WDR47: variants seen among roughly 807,000 people sequenced by gnomAD.
WDR47 encodes the protein WD repeat domain 47.
In WDR47, 32 loss-of-function variants were observed where a neutral mutation model predicts 97.2. The observed-to-expected ratio is 0.33, with a 90% confidence interval of 0.25 to 0.44. The LOEUF is 0.44. Ranked by LOEUF, WDR47 falls within the 20% of genes least tolerant of loss-of-function variation. WDR47 has a pLI of 1.00. For synonymous variants in WDR47, 375 were observed against 373.5 expected, an observed-to-expected ratio of 1.00 and a Z score of -0.05; for missense variants, 782 against 1,102.3, an observed-to-expected ratio of 0.71 and a Z score of 4.11.
At chr1:109,023,798 A>G (rs957100789) in intron 1 of WDR47, among the ~76,000 whole-genome samples, 3 of 152,120 alleles carry the variant, frequency 2.0e-5, no homozygotes, top group African/African-American at 7.2e-5. Flanking sequence ...ATAGAAGAGA[A>G]GAGTGGGAAG....
At chr1:109,010,826 C>T (rs534427837) in intron 5 of WDR47, 90 bp downstream of exon 5, 29 of 1,269,526 alleles carry the variant, frequency 2.3e-5, no homozygotes, top group East Asian at 2.1e-4. Flanking sequence ...TTGTGATCCA[C>T]CCACCTCGGC....
At chr1:108,999,055 G>A (rs1659966301) in intron 7 of WDR47, among the ~76,000 whole-genome samples, 1 of 151,890 alleles carries the variant, frequency 6.6e-6, no homozygotes, top group Admixed American at 6.6e-5. Context: ...GTGAAAGCCT[G>A]TCTCTACTAA....
At chr1:109,024,286 T>C (rs1411041247) in intron 1 of WDR47, among the ~76,000 whole-genome samples, 2 of 151,916 alleles carry the variant, frequency 1.3e-5, no homozygotes, top group Admixed American at 6.6e-5. Context: ...ACCACATCTG[T>C]ACAAAAAAAA....
chr1:109,011,574 T>A lies in WDR47; in HGVS notation c.472A>T (p.Ser158Cys). The A allele has an allele frequency of 6.2e-7, 1 of 1,614,192 alleles. No homozygotes were observed. The highest frequency in any genetic ancestry group is 8.5e-7 in the Non-Finnish European group (1 of 1,180,034). Residue 158 changes from serine to cysteine, a missense_variant, in exon 5 of 15, where the codon AGC (serine) becomes TGC (cysteine). Ser to Cys is a moderately radical substitution (Grantham distance 112). Around this residue, in one of 3 missense-constraint regions of WDR47, gnomAD observed 428 missense variants for 584.3 expected, o/e 0.73. Coordinates refer to ENST00000369962, the MANE Select transcript of WDR47 (RefSeq NM_001142551.2). ...TCAAAACAGTGAACTCGTGCGGTGCTGGGATTCCAGTCCTTAAACTCGGCA... is the reference window on the plus strand; with the variant it reads ...TCAAAACAGTGAACTCGTGCGGTGCAGGGATTCCAGTCCTTAAACTCGGCA... ...NHAEFKDWNP[S>C]TARVHCFEEA...
chr1:109,010,954 A>G lies in WDR47; in HGVS notation c.1092T>C (p.Asn364=). ...QNLSRSLMLE[N]TECHSIYEES... is the part of the protein sequence containing the mutation. ...CTTCGTAAATACTGTGACATTCTGT[A>G]TTCTCAAGCATGAGACTTCTACTGA... is the stretch of plus-strand genomic sequence containing the variant. Residue 364 remains asparagine, a synonymous_variant, in exon 5 of 15, where the codon AAT becomes AAC. Coordinates refer to ENST00000369962, the MANE Select transcript of WDR47 (RefSeq NM_001142551.2). 1 of 1,613,966 alleles carries G rather than the reference A, an allele frequency of 6.2e-7. No homozygotes were observed. Among genetic ancestry groups the G allele is most frequent in the Non-Finnish European group, 8.5e-7 (1 of 1,179,916 alleles).
chr1:109,005,498 G>A (rs1219332424), intron 5 of WDR47, among the ~76,000 whole-genome samples: 3 of 152,150 alleles, frequency 2.0e-5, no homozygotes, highest in African/African-American at 4.8e-5. Context: ...ACCACAAAAA[G>A]GGTTTTAAAA....
chr1:108,974,585 G>A lies in WDR47; in HGVS notation c.2568C>T (p.Tyr856=). 1 of 1,614,198 alleles carries A rather than the reference G, an allele frequency of 6.2e-7. No individual in the cohort carries two copies. ...RSVRFSPGAH[Y]LLTGSYDMKI... ...TCATATCATAAGAGCCTGTTAGCAA[G>A]TAGTGAGCTCCAGGGGAGAATCGAA... The change falls in exon 14 of 15, where the codon TAC becomes TAT. Residue 856 remains tyrosine (Y), a synonymous_variant. Transcript: ENST00000369962.
At chr1:109,003,986 C>A (rs373529873) in intron 6 of WDR47, among the ~76,000 whole-genome samples, 1 of 151,926 alleles carries the variant, frequency 6.6e-6, no homozygotes, top group African/African-American at 2.4e-5. Context: ...ACTAGCCGGC[C>A]GGGCGCGGTG....
rs1353097462 is a variant in WDR47 at position 108,995,629 on chromosome 1, A to T, written c.1642T>A (p.Ser548Thr). ...IHTSTPRNPGSTNHIPFLEES... is the reference protein window; with the variant it reads ...IHTSTPRNPGTTNHIPFLEES... The stretch of plus-strand genomic sequence containing the variant: ...TCCAGAAAAGGTATGTGATTTGTTG[A>T]TCCAGGATTACGAGGAGTGCTTGTA... The change falls in exon 8 of 15, where the codon TCA becomes ACA. Residue 548 changes from serine (S) to threonine (T), a missense_variant. Transcript: ENST00000369962. 1.9e-6 allele frequency: 3 copies of T among 1,614,016 alleles called. No individual in the cohort carries two copies. The highest frequency in any genetic ancestry group is 2.5e-6 in the Non-Finnish European group (3 of 1,180,006).
At chr1:109,040,019 G>C (rs1279851512) in intron 1 of WDR47, among the ~76,000 whole-genome samples, 3 of 134,218 alleles carry the variant, frequency 2.2e-5, no homozygotes, top group Admixed American at 1.6e-4. Context: ...CTGGATGACA[G>C]AGTGAGACTC....
intron 8 of WDR47, among the ~76,000 whole-genome samples, chr1:108,995,379 A>T (rs1659668842): frequency 6.6e-6 from 1 of 152,222 alleles, no homozygotes; most frequent in Non-Finnish European, 1.5e-5. Flanking sequence ...GCAAAAAGAA[A>T]AATAGAAGGA....
intron 1 of WDR47, among the ~76,000 whole-genome samples, chr1:109,036,965 T>C (rs1239509776): frequency 1.3e-5 from 2 of 152,222 alleles, no homozygotes; most frequent in Admixed American, 1.3e-4. Flanking sequence ...AATTTCTTTA[T>C]ATCATCATCT....
intron 1 of WDR47, among the ~76,000 whole-genome samples, chr1:109,039,441 A>G (rs1292988421): frequency 6.6e-6 from 1 of 152,062 alleles, no homozygotes; most frequent in Non-Finnish European, 1.5e-5. Context: ...TATTTTTGAT[A>G]AAGACAGGGT....
chr1:108,983,571 T>C, intron 10 of WDR47, 120 bp from the exon 11 acceptor site: 1 of 803,732 alleles, frequency 1.2e-6, no homozygotes, highest in Non-Finnish European at 1.7e-6. Context: ...AACAGCTTAT[T>C]AATAGTTTTC....
At chr1:108,987,750 G>A (rs764366366) in intron 9 of WDR47, among the ~76,000 whole-genome samples, 4 of 152,126 alleles carry the variant, frequency 2.6e-5, no homozygotes, top group Non-Finnish European at 5.9e-5. Context: ...TTACAGGCAT[G>A]AGCCACCGCA....
At chr1:109,023,305 T>G (rs777264775) in intron 2 of WDR47, 50 bp downstream of exon 2, 1 of 1,573,412 alleles carries the variant, frequency 6.4e-7, no homozygotes, top group South Asian at 1.2e-5. Flanking sequence ...TATTAATACT[T>G]AACATTTCTT....
At chr1:108,994,919 T>C (rs1659638847) in intron 8 of WDR47, among the ~76,000 whole-genome samples, 1 of 152,160 alleles carries the variant, frequency 6.6e-6, no homozygotes, top group South Asian at 2.1e-4. Context: ...TGAATTCCTA[T>C]AAGCATCCAA....
At chr1:109,004,736 A>G (rs1660465072) in intron 5 of WDR47, 21 bp from the exon 6 acceptor site, 1 of 1,569,960 alleles carries the variant, frequency 6.4e-7, no homozygotes, top group Non-Finnish European at 8.6e-7. Flanking sequence ...AAACGTGCAA[A>G]AAAACAAAAA....
chr1:109,026,845 GT>G (rs1252903487), intron 1 of WDR47, among the ~76,000 whole-genome samples: 1 of 152,050 alleles, frequency 6.6e-6, no homozygotes, highest in Non-Finnish European at 1.5e-5. Context: ...CAAGTTTAAT[GT>G]TGCAGTCATT....
Sources: allele counts gnomAD v4.1 joint callset (sites outside exome capture counted in the v4.1 genomes callset), GRCh38; gene constraint gnomAD v4.1.1; regional missense constraint gnomAD v4.1.1; transcripts MANE v1.5; gene names NCBI Gene and HGNC (gene_info 2026-07-23, HGNC 2026-07-21).